Variants in COG5 observed in about 807,000 individuals in gnomAD.
COG5 encodes conserved oligomeric Golgi complex subunit 5.
A neutral mutation model predicts 110.4 loss-of-function variants in COG5; 86 were observed. The ratio of observed to expected loss-of-function variants is 0.78; its 90% CI spans 0.65 to 0.93. COG5 has a LOEUF of 0.93. Among genes scored for constraint, COG5 ranks in the 40% least tolerant of loss-of-function variants. COG5 has a pLI of 0.00. For synonymous variants in COG5, 360 were observed against 334.6 expected (o/e 1.08, Z -0.83); for missense variants, 1,077 against 987.0 (o/e 1.09, Z -1.22).
intron 6 of COG5, among the ~76,000 whole-genome samples, chr7:107,517,293 G>GA (rs1173807632): frequency 6.6e-6 from 1 of 150,778 alleles, no homozygotes; most frequent in African/African-American, 2.4e-5. Flanking sequence ...CAAGATTAGA[G>GA]AAAAAAGAAT....
intron 17 of COG5, among the ~76,000 whole-genome samples, chr7:107,239,234 T>C (rs944415309): frequency 1.3e-5 from 2 of 152,230 alleles, no homozygotes; most frequent in African/African-American, 4.8e-5. Flanking sequence ...CCTTATTCCA[T>C]TGAGTGTTCC....
At chr7:107,242,262 A>C (rs1439890921) in intron 17 of COG5, among the ~76,000 whole-genome samples, 1 of 152,166 alleles carries the variant, frequency 6.6e-6, no homozygotes, top group Admixed American at 6.5e-5. Flanking sequence ...GAAAAGCAAA[A>C]CAGGACAACG....
At chr7:107,415,593 G>A (rs1046273875) in intron 6 of COG5, among the ~76,000 whole-genome samples, 1 of 151,560 alleles carries the variant, frequency 6.6e-6, no homozygotes, top group Non-Finnish European at 1.5e-5. Flanking sequence ...TTCTGCTTCT[G>A]GGAATAAATA....
chr7:107,509,342 A>G (rs1195778972), intron 6 of COG5, among the ~76,000 whole-genome samples: 1 of 152,218 alleles, frequency 6.6e-6, no homozygotes, highest in Non-Finnish European at 1.5e-5. Flanking sequence ...AGGGAAGTTT[A>G]GAGAAAAAAA....
At chr7:107,235,212 C>T (rs976887499) in intron 18 of COG5, among the ~76,000 whole-genome samples, 2 of 152,214 alleles carry the variant, frequency 1.3e-5, no homozygotes, top group Non-Finnish European at 1.5e-5. Flanking sequence ...CAACCACTGA[C>T]TTGATACAAG....
At chr7:107,227,279 A>G (rs777044504) in intron 19 of COG5, among the ~76,000 whole-genome samples, 2 of 152,208 alleles carry the variant, frequency 1.3e-5, no homozygotes, top group Non-Finnish European at 2.9e-5. Flanking sequence ...GTGTCCATGT[A>G]TATGTATATA....
chr7:107,421,839 T>C (rs892276680), intron 6 of COG5, among the ~76,000 whole-genome samples: 19 of 152,118 alleles, frequency 1.2e-4, no homozygotes, highest in African/African-American at 4.3e-4. Context: ...TGAAAATTAG[T>C]ACATTTTTAA....
chr7:107,553,838 A>G (rs1171980853), intron 3 of COG5, among the ~76,000 whole-genome samples: 2 of 152,134 alleles, frequency 1.3e-5, no homozygotes, highest in Non-Finnish European at 2.9e-5. Context: ...TGATGTTTTT[A>G]TTGTTTTAAT....
intron 14 of COG5, among the ~76,000 whole-genome samples, chr7:107,263,475 G>A (rs1803538413): frequency 6.6e-6 from 1 of 152,112 alleles, no homozygotes; most frequent in Admixed American, 6.5e-5. Context: ...GTACATACTG[G>A]TTAATCATGT....
At chr7:107,547,125 A>C (rs1243432597) in intron 5 of COG5, among the ~76,000 whole-genome samples, 7 of 152,214 alleles carry the variant, frequency 4.6e-5, no homozygotes, top group Non-Finnish European at 1.0e-4. Flanking sequence ...AAAATCCTCA[A>C]CAAAATACTA....
chr7:107,438,450 T>C (rs575453991), intron 6 of COG5, among the ~76,000 whole-genome samples: 1 of 152,362 alleles, frequency 6.6e-6, no homozygotes, highest in Non-Finnish European at 1.5e-5. Context: ...AAACGTTATA[T>C]AAGCCAGAGT....
At chr7:107,358,063 G>C (rs1237190408) in intron 10 of COG5, among the ~76,000 whole-genome samples, 2 of 151,968 alleles carry the variant, frequency 1.3e-5, no homozygotes, top group Non-Finnish European at 2.9e-5. Context: ...TTTTTATGTA[G>C]AAACTCTACC....
chr7:107,280,182 ATAG>A (rs1224374430), intron 14 of COG5, among the ~76,000 whole-genome samples: 1 of 152,112 alleles, frequency 6.6e-6, no homozygotes, highest in Non-Finnish European at 1.5e-5. Context: ...ATCTAAATTC[ATAG>A]TAATTTCCTA....
At chr7:107,228,717 C>A (rs1202996058) in intron 19 of COG5, among the ~76,000 whole-genome samples, 2 of 150,848 alleles carry the variant, frequency 1.3e-5, no homozygotes, top group Non-Finnish European at 2.9e-5. Context: ...CATCTCTGTA[C>A]AGATGGGCAG....
At chr7:107,292,241 C>G (rs1806235339) in intron 12 of COG5, among the ~76,000 whole-genome samples, 1 of 152,164 alleles carries the variant, frequency 6.6e-6, no homozygotes, top group African/African-American at 2.4e-5. Context: ...CTGTTTTGCT[C>G]AGGCTGGTCT....
chr7:107,209,195 TC>T (rs1366886880), intron 21 of COG5: 2 of 985,252 alleles, frequency 2.0e-6, no homozygotes, highest in Non-Finnish European at 2.4e-6. Flanking sequence ...AGAATTGGGA[TC>T]CCCTGGGAGA....
At chr7:107,440,412 G>A (rs1292331986) in intron 6 of COG5, among the ~76,000 whole-genome samples, 3 of 151,948 alleles carry the variant, frequency 2.0e-5, no homozygotes, top group Non-Finnish European at 2.9e-5. Flanking sequence ...TGAGAGGGAT[G>A]TTGTAATATA....
chr7:107,256,550 T>G (rs1285516175), intron 16 of COG5, among the ~76,000 whole-genome samples, 182 bp downstream of exon 16: 1 of 152,194 alleles, frequency 6.6e-6, no homozygotes, highest in Non-Finnish European at 1.5e-5. Context: ...AAGGGTCTAT[T>G]TTTAAATTCT....
At chr7:107,336,479 A>G (rs1810710367) in intron 10 of COG5, among the ~76,000 whole-genome samples, 1 of 152,240 alleles carries the variant, frequency 6.6e-6, no homozygotes, top group Admixed American at 6.5e-5. Context: ...TCGATAGATC[A>G]GCAGGGTGAT....
Sources: allele counts gnomAD v4.1 joint callset (sites outside exome capture counted in the v4.1 genomes callset), GRCh38; gene constraint gnomAD v4.1.1; transcripts MANE v1.5; gene names NCBI Gene and HGNC (gene_info 2026-07-23, HGNC 2026-07-21).